Variants in TBC1D22A observed in about 807,000 individuals in gnomAD.
TBC1D22A encodes TBC1 domain family member 22A.
In TBC1D22A, 38 loss-of-function variants were observed where a neutral mutation model predicts 60.2. The observed-to-expected ratio is 0.63, with a 90% CI of 0.49 to 0.83. TBC1D22A has a LOEUF of 0.83. Ranked by LOEUF, TBC1D22A falls within the 40% of genes least tolerant of loss-of-function variation. The pLI is 0.00. For synonymous variants in TBC1D22A, 302 were observed against 281.7 expected (o/e 1.07, Z -0.72); for missense variants, 628 against 701.0 (o/e 0.90, Z 1.18).
intron 12 of TBC1D22A, among the ~76,000 whole-genome samples, chr22:47,138,679 AC>A (rs750748923): frequency 2.0e-4 from 31 of 152,232 alleles, no homozygotes; most frequent in Non-Finnish European, 3.7e-4. Context: ...GGCTGGTATA[AC>A]AAAATAGCAT....
intron 7 of TBC1D22A, among the ~76,000 whole-genome samples, chr22:46,910,502 C>T (rs1438014894): frequency 6.6e-6 from 1 of 152,082 alleles, no homozygotes; most frequent in Admixed American, 6.5e-5. Context: ...ATCCATCTGT[C>T]GGAGCGTGTG....
intron 11 of TBC1D22A, among the ~76,000 whole-genome samples, chr22:47,083,059 T>C (rs916068992): frequency 2.0e-5 from 3 of 149,644 alleles, no homozygotes; most frequent in African/African-American, 7.7e-5. Flanking sequence ...AAGAGAAAAC[T>C]GCAAGAGAAA....
intron 1 of TBC1D22A, among the ~76,000 whole-genome samples, chr22:46,788,788 A>G (rs1336723904): frequency 6.6e-6 from 1 of 152,078 alleles, no homozygotes; most frequent in Non-Finnish European, 1.5e-5. Context: ...GAAATCATAT[A>G]TTTCTCCTTA....
chr22:46,889,161 G>A (rs1011226994), intron 5 of TBC1D22A, among the ~76,000 whole-genome samples: 4 of 152,186 alleles, frequency 2.6e-5, no homozygotes, highest in African/African-American at 9.7e-5. Flanking sequence ...AAAGAGATTT[G>A]TATCTAGAGT....
chr22:46,917,545 G>A (rs539471463), intron 8 of TBC1D22A, among the ~76,000 whole-genome samples: 12 of 152,302 alleles, frequency 7.9e-5, no homozygotes, highest in Non-Finnish European at 1.6e-4. Context: ...AGGATGAGAC[G>A]TGGAGTAGAA....
chr22:46,948,665 G>C (rs959147312), intron 8 of TBC1D22A, among the ~76,000 whole-genome samples: 18 of 152,324 alleles, frequency 1.2e-4, no homozygotes, highest in Non-Finnish European at 2.1e-4. Flanking sequence ...TTCCCTCTTT[G>C]GTCTTTGTCC....
intron 9 of TBC1D22A, among the ~76,000 whole-genome samples, chr22:46,994,126 T>A (rs879518724): frequency 3.9e-5 from 6 of 152,378 alleles, no homozygotes; most frequent in Admixed American, 1.3e-4. Flanking sequence ...TTCTTTTTTT[T>A]TAATTGTTTG....
At chr22:46,800,125 A>G (rs1010474408) in intron 4 of TBC1D22A, among the ~76,000 whole-genome samples, 4 of 152,074 alleles carry the variant, frequency 2.6e-5, no homozygotes, top group Non-Finnish European at 4.4e-5. Context: ...ATGCCATCCT[A>G]TGGATTTCCC....
At chr22:46,994,148 A>T (rs910359603) in intron 9 of TBC1D22A, among the ~76,000 whole-genome samples, 1 of 152,194 alleles carries the variant, frequency 6.6e-6, no homozygotes, top group African/African-American at 2.4e-5. Context: ...ATTTCTGAGA[A>T]TCCGTCTTCC....
At chr22:46,907,124 G>T (rs2069543415) in intron 7 of TBC1D22A, among the ~76,000 whole-genome samples, 2 of 151,928 alleles carry the variant, frequency 1.3e-5, no homozygotes. Flanking sequence ...CTCCGTGCGT[G>T]TGCTCTTCTT....
At chr22:46,881,553 G>A (rs752253378) in intron 5 of TBC1D22A, among the ~76,000 whole-genome samples, 1 of 152,208 alleles carries the variant, frequency 6.6e-6, no homozygotes, top group Non-Finnish European at 1.5e-5. Context: ...TTGTGGACAG[G>A]CGTGTGGCAG....
intron 8 of TBC1D22A, among the ~76,000 whole-genome samples, chr22:46,950,004 G>T (rs928855961): frequency 3.3e-5 from 5 of 152,206 alleles, no homozygotes; most frequent in Non-Finnish European, 4.4e-5. Flanking sequence ...ATTGGTTAAC[G>T]TGGGTTAACA....
intron 12 of TBC1D22A, among the ~76,000 whole-genome samples, chr22:47,164,420 G>A (rs1020921162): frequency 1.4e-4 from 22 of 152,236 alleles, no homozygotes; most frequent in African/African-American, 4.8e-4. Flanking sequence ...CAGGACCTGG[G>A]GAGTGTCAGG....
chr22:46,919,050 G>A (rs2070571650), intron 8 of TBC1D22A, among the ~76,000 whole-genome samples: 2 of 152,170 alleles, frequency 1.3e-5, no homozygotes, highest in Admixed American at 6.5e-5. Context: ...AAAGTTGAAA[G>A]ATTTTTAGAA....
At chr22:47,070,086 CCT>C (rs140070586) in intron 11 of TBC1D22A, among the ~76,000 whole-genome samples, 1,998 of 130,332 alleles carry the variant, frequency 0.015, 259 homozygotes, top group African/African-American at 0.064. Context: ...GACGCTGTCC[CCT>C]GTTGTTTGGT....
chr22:47,050,764 G>A (rs2063182236), intron 11 of TBC1D22A, among the ~76,000 whole-genome samples: 1 of 152,088 alleles, frequency 6.6e-6, no homozygotes, highest in South Asian at 2.1e-4. Flanking sequence ...TGGGGTGGGT[G>A]GGATGAGGGT....
At chr22:47,044,914 G>A (rs895878424) in intron 11 of TBC1D22A, among the ~76,000 whole-genome samples, 11 of 152,216 alleles carry the variant, frequency 7.2e-5, no homozygotes, top group Admixed American at 1.3e-4. Flanking sequence ...ACAGGAGATG[G>A]TTTCTTCCCC....
At chr22:46,851,587 C>T (rs1357632815) in intron 4 of TBC1D22A, among the ~76,000 whole-genome samples, 1 of 152,238 alleles carries the variant, frequency 6.6e-6, no homozygotes, top group Non-Finnish European at 1.5e-5. Flanking sequence ...GGCTGTTCTG[C>T]CCGGTTAAGG....
chr22:46,772,525 C>G (rs1247571195), intron 1 of TBC1D22A, among the ~76,000 whole-genome samples: 1 of 39,730 alleles, frequency 2.5e-5, no homozygotes, highest in East Asian at 6.8e-4. Context: ...TATATGTATA[C>G]ACACATATAC....
Sources: gnomAD v4.1 joint callset for allele counts (sites outside exome capture counted in the v4.1 genomes callset) on GRCh38, gnomAD v4.1.1 for gene constraint, MANE v1.5 for transcripts, NCBI Gene and HGNC (gene_info 2026-07-23, HGNC 2026-07-21) for gene names.